Variants in LRP1B observed in about 807,000 individuals in gnomAD.
LRP1B encodes LDL receptor related protein 1B, also known as low-density lipoprotein receptor-related protein 1B.
A neutral mutation model predicts 556.6 loss-of-function variants in LRP1B; 217 were observed. The ratio of observed to expected loss-of-function variants is 0.39; its 90% CI spans 0.35 to 0.44. The LOEUF (loss-of-function observed/expected upper bound fraction) is 0.44. Ranked by LOEUF, LRP1B falls within the 20% of genes least tolerant of loss-of-function variation. The pLI is 1.00. For synonymous variants in LRP1B, 2,047 were observed against 1,865.8 expected (o/e 1.10, Z -2.50); for missense variants, 5,053 against 5,620.8 (o/e 0.90, Z 3.23).
In LRP1B at chr2:140,700,512, T is replaced by G; in HGVS notation, c.6537A>C (p.Gly2179=). 6.2e-7 allele frequency: 1 copy of G among 1,613,544 alleles called. No individual in the cohort carries two copies. The highest frequency in any genetic ancestry group is 8.5e-7 in the Non-Finnish European group (1 of 1,179,684). Reference sequence around the variant, plus strand: ...AGCCTTCATGCCTCAGGCAAGTAACTCCATCTTCTGCCAAATATCCATGGG... The same window carrying G: ...AGCCTTCATGCCTCAGGCAAGTAACGCCATCTTCTGCCAAATATCCATGGG... ...ACAHGYLAED[G]VTCLRHEGYL... The change falls in exon 41 of 91, where the codon GGA becomes GGC. Residue 2179 remains glycine (G), a synonymous_variant. Coordinates refer to ENST00000389484, the MANE Select transcript of LRP1B (RefSeq NM_018557.3).
chr2:141,777,312 T>C (rs2105629735), intron 2 of LRP1B, among the ~76,000 whole-genome samples: 1 of 152,322 alleles, frequency 6.6e-6, no homozygotes, highest in African/African-American at 2.4e-5. Context: ...TGAAATATGT[T>C]ATGCCAAAAT....
chr2:140,419,030 T>A (rs1685320964), intron 66 of LRP1B, among the ~76,000 whole-genome samples: 1 of 152,166 alleles, frequency 6.6e-6, no homozygotes. Flanking sequence ...AACACAGACA[T>A]GCCTGACAAT....
chr2:140,305,030 C>T (rs541425077), intron 83 of LRP1B, among the ~76,000 whole-genome samples: 40 of 152,180 alleles, frequency 2.6e-4, no homozygotes, highest in Non-Finnish European at 5.4e-4. Flanking sequence ...TGTTTTGGTG[C>T]CTGTATCATG....
intron 41 of LRP1B, among the ~76,000 whole-genome samples, chr2:140,643,589 A>C (rs1684378334): frequency 6.6e-6 from 1 of 152,202 alleles, no homozygotes; most frequent in Non-Finnish European, 1.5e-5. Flanking sequence ...TGATGTGAAC[A>C]AAGGTAACCC....
intron 2 of LRP1B, among the ~76,000 whole-genome samples, chr2:141,639,490 C>T (rs1002919014): frequency 2.0e-5 from 3 of 148,476 alleles, no homozygotes; most frequent in African/African-American, 7.4e-5. Flanking sequence ...GATCTTGGCT[C>T]ACTGCAACCT....
intron 1 of LRP1B, among the ~76,000 whole-genome samples, chr2:142,024,687 C>A (rs1157501669): frequency 7.5e-6 from 1 of 133,298 alleles, no homozygotes; most frequent in Non-Finnish European, 1.6e-5. Flanking sequence ...AAACTAAAAT[C>A]TGTGTGACAT....
At chr2:141,584,715 T>C (rs1478105097) in intron 2 of LRP1B, among the ~76,000 whole-genome samples, 2 of 152,180 alleles carry the variant, frequency 1.3e-5, no homozygotes, top group Non-Finnish European at 2.9e-5. Context: ...GTATAGGTAA[T>C]GTTAACATGA....
At chr2:140,572,767 A>G (rs1242532523) in intron 43 of LRP1B, among the ~76,000 whole-genome samples, 1 of 149,438 alleles carries the variant, frequency 6.7e-6, no homozygotes, top group Non-Finnish European at 1.5e-5. Context: ...AAAATGTGGT[A>G]CGTATACACA....
intron 6 of LRP1B, among the ~76,000 whole-genome samples, chr2:141,223,634 C>T (rs371833690): frequency 1.3e-5 from 2 of 152,170 alleles, no homozygotes; most frequent in Non-Finnish European, 2.9e-5. Context: ...TCAAACTATA[C>T]TACAAGGCTA....
intron 1 of LRP1B, among the ~76,000 whole-genome samples, chr2:142,012,590 C>A (rs990855831): frequency 6.6e-6 from 1 of 152,030 alleles, no homozygotes; most frequent in Admixed American, 6.6e-5. Flanking sequence ...CCCAAGACAC[C>A]AAGCAGCATG....
At chr2:140,723,149 GCTT>G (rs1687474690) in intron 35 of LRP1B, among the ~76,000 whole-genome samples, 1 of 152,082 alleles carries the variant, frequency 6.6e-6, no homozygotes, top group South Asian at 2.1e-4. Flanking sequence ...CAAGATACTT[GCTT>G]TTTTGATGAG....
At chr2:141,397,510 TTA>T (rs1218134402) in intron 3 of LRP1B, among the ~76,000 whole-genome samples, 2 of 151,928 alleles carry the variant, frequency 1.3e-5, no homozygotes, top group Non-Finnish European at 2.9e-5. Context: ...CTATACAGTA[TTA>T]TATTAATACA....
intron 23 of LRP1B, among the ~76,000 whole-genome samples, chr2:140,887,389 T>C (rs1285856657): frequency 6.6e-6 from 1 of 152,180 alleles, no homozygotes; most frequent in Non-Finnish European, 1.5e-5. Flanking sequence ...TGGTATGAGA[T>C]AGGTTCAGAT....
At chr2:140,367,837 A>G (rs658631) in intron 71 of LRP1B, among the ~76,000 whole-genome samples, 49,603 of 151,614 alleles carry the variant, frequency 0.33, 8,727 homozygotes, top group Non-Finnish European at 0.4. Context: ...AACGTTTGAC[A>G]TTCTCTGATT....
chr2:140,422,254 G>A (rs528783802), intron 66 of LRP1B, among the ~76,000 whole-genome samples: 6 of 152,212 alleles, frequency 3.9e-5, no homozygotes, highest in Admixed American at 2.0e-4. Context: ...ATACGACACC[G>A]AAAATCTGGT....
intron 11 of LRP1B, among the ~76,000 whole-genome samples, 159 bp downstream of exon 11, chr2:141,048,827 G>A (rs1269462073): frequency 6.6e-6 from 1 of 152,022 alleles, no homozygotes; most frequent in Non-Finnish European, 1.5e-5. Context: ...TATGAAAACA[G>A]AGAAACAATG....
At chr2:140,271,008 A>AT (rs1267251341) in intron 85 of LRP1B, among the ~76,000 whole-genome samples, 4 of 152,126 alleles carry the variant, frequency 2.6e-5, no homozygotes, top group South Asian at 2.1e-4. Context: ...GGCTTTCTTG[A>AT]AAAACTTACC....
intron 2 of LRP1B, among the ~76,000 whole-genome samples, chr2:141,751,979 C>T (rs906939279): frequency 6.6e-6 from 1 of 151,096 alleles, no homozygotes; most frequent in African/African-American, 2.4e-5. Context: ...CAATAAACAG[C>T]AATCTTTGTA....
intron 2 of LRP1B, among the ~76,000 whole-genome samples, chr2:141,710,929 A>G (rs1389642573): frequency 6.6e-6 from 1 of 152,184 alleles, no homozygotes; most frequent in Non-Finnish European, 1.5e-5. Flanking sequence ...CCTTTCCTAC[A>G]TTAGATTGAT....
Sources: allele counts gnomAD v4.1 joint callset (sites outside exome capture counted in the v4.1 genomes callset), GRCh38; gene constraint gnomAD v4.1.1; transcripts MANE v1.5; gene names NCBI Gene and HGNC (gene_info 2026-07-23, HGNC 2026-07-21).